ARL4A: variants seen among roughly 807,000 people sequenced by gnomAD.
ARL4A encodes ADP-ribosylation factor-like protein 4A.
A neutral mutation model predicts 13.9 loss-of-function variants in ARL4A; 5 were observed. The observed-to-expected ratio is 0.36, with a 90% CI of 0.19 to 0.75. The LOEUF is 0.75. ARL4A is among the 30% of genes least tolerant of loss of function. The probability of loss-of-function intolerance (pLI) is 0.53; values close to 1 mark genes in which losing one functional copy is unlikely to be tolerated. For missense variants in ARL4A, 147 were observed against 225.8 expected (o/e 0.65, Z 2.24); for synonymous variants, 77 against 84.4 (o/e 0.91, Z 0.48).
In ARL4A at chr7:12,688,380, C is replaced by T. The variant is rs1784561604; in HGVS notation, c.126C>T (p.Phe42=). ...GKTTVLYRLQ[F]NEFVNTVPTK... Reference sequence around the variant, plus strand: ...CAACTGTCTTATACAGGCTGCAGTTCAATGAATTTGTAAATACCGTACCTA... The same window carrying T: ...CAACTGTCTTATACAGGCTGCAGTTTAATGAATTTGTAAATACCGTACCTA... Residue 42 remains phenylalanine, a synonymous_variant, in exon 2 of 2, where the codon TTC becomes TTT. Transcript: ENST00000651779. This position sits in a 1 kb window ranked among gnomAD's most constrained non-coding sequence, Gnocchi z 5.2. 2 of 1,613,768 alleles carry T rather than the reference C, an allele frequency of 1.2e-6. No homozygotes were observed. The highest frequency in any genetic ancestry group is 2.7e-5 in the African/African-American group (2 of 74,894).
At position 12,688,160 on chromosome 7, in the gene ARL4A, T is replaced by TC; in HGVS notation, c.-89-3dup. ...AGAATAACTTATTCCTTCTTCCGTC[T>TC]CCCAGCAGTCTTATAGCTGGATCAG... is the stretch of plus-strand genomic sequence containing the variant. On this transcript the variant is annotated splice_polypyrimidine_tract_variant and splice_region_variant and intron_variant, in intron 1 of 1. Transcript: ENST00000651779. The surrounding 1 kb of genome is among the most constrained non-coding windows in gnomAD (Gnocchi z 5.2). 2 of 1,473,984 alleles carry TC rather than the reference T, an allele frequency of 1.4e-6. No individual in the cohort carries two copies. The highest frequency in any genetic ancestry group is 1.8e-6 in the Non-Finnish European group (2 of 1,102,008). 91.3% of individuals were successfully genotyped at this position (1,473,984 alleles called of 1,614,324 possible).
Position 12,690,070 on chromosome 7 carries a change from A to T in ARL4A, c.*1213A>T, listed in dbSNP as rs922431940. 6.0e-6 allele frequency: 1 copy of T among 167,070 alleles called. No individual in the cohort carries two copies. Among genetic ancestry groups the T allele is most frequent in the Admixed American group, 6.5e-5 (1 of 15,280 alleles). The allele number at this position is 167,070 out of a possible 1,614,324, so 10.3% of individuals were successfully genotyped here. ...CAATTATAGAAAATGAGGGGAAAAT[A>T]ACAAACCTGTTTTATGAAAATTCAC... On this transcript the variant is annotated 3_prime_UTR_variant, in exon 2 of 2. Coordinates refer to ENST00000651779, the MANE Select transcript of ARL4A (RefSeq NM_005738.5).
chr7:12,689,175 T>C lies in ARL4A; in HGVS notation c.*318T>C. ...GTTAGTGAAATAAAACTTTAAAGAGTGTCTGCCTAGTGTTTTGTGCTTACA... is the reference window on the plus strand; with the variant it reads ...GTTAGTGAAATAAAACTTTAAAGAGCGTCTGCCTAGTGTTTTGTGCTTACA... On this transcript the variant is annotated 3_prime_UTR_variant, in exon 2 of 2. Transcript: ENST00000651779. The C allele has an allele frequency of 3.9e-6, 1 of 256,028 alleles. No individual in the cohort carries two copies. The highest frequency in any genetic ancestry group is 9.4e-5 in the East Asian group (1 of 10,644). The allele number at this position is 256,028 out of a possible 1,614,324, so 15.9% of individuals were successfully genotyped here. A position where few individuals can be genotyped will look rare whatever the true frequency, so the allele number is the denominator to read the frequency against.
Position 12,690,632 on chromosome 7 carries a change from T to TG in ARL4A, c.*1775_*1776insG, listed in dbSNP as rs1407330243. ...TGACAGGCATTGAAGGCTGTTTTTT[T>TG]TTTTTTCTCCCTTCACTGATACTGA... On this transcript the variant is annotated 3_prime_UTR_variant, in exon 2 of 2. Transcript: ENST00000651779. 1 of 162,766 alleles carries TG rather than the reference T, an allele frequency of 6.1e-6. No individual in the cohort carries two copies. The highest frequency in any genetic ancestry group is 2.4e-5 in the African/African-American group (1 of 41,256). The allele number at this position is 162,766 out of a possible 1,614,324, so 10.1% of individuals were successfully genotyped here.
chr7:12,688,797 A>G lies in ARL4A; in HGVS notation c.543A>G (p.Lys181=), dbSNP rs1172200396. 3.1e-6 allele frequency: 5 copies of G among 1,611,716 alleles called. No individual in the cohort carries two copies. The South Asian group carries it at 4.4e-5, about 14-fold the overall frequency. Residue 181 remains lysine (K), a synonymous_variant, in exon 2 of 2, where the codon AAA becomes AAG. Coordinates refer to ENST00000651779, the MANE Select transcript of ARL4A (RefSeq NM_005738.5). This position sits in a 1 kb window ranked among gnomAD's most constrained non-coding sequence, Gnocchi z 5.2. ...ATGGCCTAAAGGAAGGACTTGAGAA[A>G]CTACATGATATGATCATTAAAAGAA... ...IGDGLKEGLE[K]LHDMIIKRRK...
At position 12,688,932 on chromosome 7, in the gene ARL4A, G is replaced by A; in HGVS notation, c.*75G>A. ...TTTGACAAATAGAAGAGTGTCTACA[G>A]CGTGGTTTGCCTGTCTGCCCTCCTG... On this transcript the variant is annotated 3_prime_UTR_variant, in exon 2 of 2. Coordinates refer to ENST00000651779, the MANE Select transcript of ARL4A (RefSeq NM_005738.5). The surrounding 1 kb of genome is among the most constrained non-coding windows in gnomAD (Gnocchi z 5.2). The A allele has an allele frequency of 6.9e-7, 1 of 1,449,684 alleles. No individual in the cohort carries two copies. Among genetic ancestry groups the A allele is most frequent in the Non-Finnish European group, 9.3e-7 (1 of 1,073,696 alleles). 89.8% of individuals were successfully genotyped at this position (1,449,684 alleles called of 1,614,324 possible).
In ARL4A at chr7:12,689,423, G is replaced by T. The variant is rs998721298; in HGVS notation, c.*566G>T. On this transcript the variant is annotated 3_prime_UTR_variant, in exon 2 of 2. Coordinates refer to ENST00000651779, the MANE Select transcript of ARL4A (RefSeq NM_005738.5). ...CTTTCTGGAATCAAGTAATTTAATA[G>T]TATAGCTTAATTCTAGACAATGTTT... is the stretch of plus-strand genomic sequence containing the variant. 1 of 167,492 alleles carries T rather than the reference G, an allele frequency of 6.0e-6. No individual in the cohort carries two copies. The highest frequency in any genetic ancestry group is 1.5e-5 in the Non-Finnish European group (1 of 68,496). 10.4% of individuals were successfully genotyped at this position (167,492 alleles called of 1,614,324 possible). A position where few individuals can be genotyped will look rare whatever the true frequency, so the allele number is the denominator to read the frequency against.
chr7:12,686,921 C>G (rs1209620972), upstream of ARL4A: 1 of 151,874 alleles, frequency 6.6e-6, no homozygotes, highest in Non-Finnish European at 1.5e-5. Context: ...GCGCGGCGCC[C>G]GCCAGGCGCC....
chr7:12,688,044 TG>T lies in ARL4A; in HGVS notation c.-89-120del. The T allele has an allele frequency of 1.7e-6, 1 of 572,352 alleles. No individual in the cohort carries two copies. The highest frequency in any genetic ancestry group is 1.9e-5 in the African/African-American group (1 of 53,486). The allele number at this position is 572,352 out of a possible 1,614,324, so 35.5% of individuals were successfully genotyped here. ...TTTCATGTACGTTTCATATCTCGTC[TG>T]GTTTGTTTAGCGCAGCAAGTTATAG... is the stretch of plus-strand genomic sequence containing the variant. On this transcript the variant is annotated intron_variant, in intron 1 of 1. Transcript: ENST00000651779. This position sits in a 1 kb window ranked among gnomAD's most constrained non-coding sequence, Gnocchi z 5.2.
rs569923258 is a variant in ARL4A at position 12,689,130 on chromosome 7, T to C, written c.*273T>C. 5.6e-5 allele frequency: 18 copies of C among 323,658 alleles called. No homozygotes were observed. Among genetic ancestry groups the C allele is most frequent in the East Asian group, 2.5e-4 (4 of 15,958 alleles). The allele number at this position is 323,658 out of a possible 1,614,324, so 20.0% of individuals were successfully genotyped here. On this transcript the variant is annotated 3_prime_UTR_variant, in exon 2 of 2. Coordinates refer to ENST00000651779, the MANE Select transcript of ARL4A (RefSeq NM_005738.5). The stretch of plus-strand genomic sequence containing the variant: ...GGATAGTAAATTGACCAGAACACAG[T>C]TGTGGGAATTTGGTCTGAAGTTAGT...
rs1784553617 is a variant in ARL4A, at chr7:12,688,036, A to G, written c.-89-130A>G. On this transcript the variant is annotated intron_variant, in intron 1 of 1. Transcript: ENST00000651779. This position sits in a 1 kb window ranked among gnomAD's most constrained non-coding sequence, Gnocchi z 5.2. ...GTGTGTGTTTTCATGTACGTTTCAT[A>G]TCTCGTCTGGTTTGTTTAGCGCAGC... is the stretch of plus-strand genomic sequence containing the variant. 1 of 531,836 alleles carries G rather than the reference A, an allele frequency of 1.9e-6. No homozygotes were observed. The highest frequency in any genetic ancestry group is 1.9e-5 in the African/African-American group (1 of 52,560). 32.9% of individuals were successfully genotyped at this position (531,836 alleles called of 1,614,324 possible). A position where few individuals can be genotyped will look rare whatever the true frequency, so the allele number is the denominator to read the frequency against.
rs539232781 is a variant in ARL4A, at chr7:12,688,870, A to G, written c.*13A>G. On this transcript the variant is annotated 3_prime_UTR_variant, in exon 2 of 2. Coordinates refer to ENST00000651779, the MANE Select transcript of ARL4A (RefSeq NM_005738.5). The surrounding 1 kb of genome is among the most constrained non-coding windows in gnomAD (Gnocchi z 5.2). ...AAAGAAAAGATGAATATCAATACCT[A>G]TTATATCTGTGTGGAGTAGGTTTTC... 7.5e-6 allele frequency: 12 copies of G among 1,591,494 alleles called. No homozygotes were observed. In the East Asian group the frequency reaches 1.8e-4, roughly 24 times the overall value.
rs1784568463 is a variant in ARL4A at position 12,688,731 on chromosome 7, A to G, written c.477A>G (p.Ser159=). The G allele has an allele frequency of 1.2e-6, 2 of 1,613,888 alleles. No individual in the cohort carries two copies. The highest frequency in any genetic ancestry group is 1.7e-5 in the Admixed American group (1 of 60,000). ...TAGCAATGGGTGAACTGAGCTCATC[A>G]ACTCCTTGGCATTTGCAGCCTACCT... The part of the protein sequence containing the change: ...KLLAMGELSS[S]TPWHLQPTCA... The change falls in exon 2 of 2, where the codon TCA becomes TCG. Residue 159 remains serine (S), a synonymous_variant. Coordinates refer to ENST00000651779, the MANE Select transcript of ARL4A (RefSeq NM_005738.5). This position sits in a 1 kb window ranked among gnomAD's most constrained non-coding sequence, Gnocchi z 5.2.
rs76343126 is a variant in ARL4A at position 12,689,246 on chromosome 7, G to C, written c.*389G>C. On this transcript the variant is annotated 3_prime_UTR_variant, in exon 2 of 2. Coordinates refer to ENST00000651779, the MANE Select transcript of ARL4A (RefSeq NM_005738.5). ...GCAAGAAAATTGCATACAAGGCTTT[G>C]TAACGATCAAGTGCTAATCGATGGA... 20 of 199,146 alleles carry C rather than the reference G, an allele frequency of 1.0e-4. No homozygotes were observed. The East Asian group carries it at 1.8e-3, about 18-fold the overall frequency. The allele number at this position is 199,146 out of a possible 1,614,324, so 12.3% of individuals were successfully genotyped here.
Position 12,689,658 on chromosome 7 carries a change from A to G in ARL4A, c.*801A>G, listed in dbSNP as rs1784586449. 6.0e-6 allele frequency: 1 copy of G among 166,838 alleles called. No homozygotes were observed. The highest frequency in any genetic ancestry group is 1.9e-4 in the East Asian group (1 of 5,186). 10.3% of individuals were successfully genotyped at this position (166,838 alleles called of 1,614,324 possible). A position where few individuals can be genotyped will look rare whatever the true frequency, so the allele number is the denominator to read the frequency against. On this transcript the variant is annotated 3_prime_UTR_variant, in exon 2 of 2. Transcript: ENST00000651779. ...AGAAGCACTTTCACTTGAAGAACCT[A>G]AAATGATTGACTCATTCATAGTAAA...
rs1784596783 is a variant in ARL4A, at chr7:12,690,268, G to C, written c.*1411G>C. On this transcript the variant is annotated 3_prime_UTR_variant, in exon 2 of 2. Transcript: ENST00000651779. Reference sequence around the variant, plus strand: ...CCAAAAGAAATGCACTTTGCTAGCAGGATTTGTTTTGGCTTTGGGTTTTGT... The same window carrying C: ...CCAAAAGAAATGCACTTTGCTAGCACGATTTGTTTTGGCTTTGGGTTTTGT... The C allele has an allele frequency of 6.0e-6, 1 of 165,946 alleles. No homozygotes were observed. Among genetic ancestry groups the C allele is most frequent in the Non-Finnish European group, 1.5e-5 (1 of 67,934 alleles). The allele number at this position is 165,946 out of a possible 1,614,324, so 10.3% of individuals were successfully genotyped here. A position where few individuals can be genotyped will look rare whatever the true frequency, so the allele number is the denominator to read the frequency against.
In ARL4A at chr7:12,689,368, T is replaced by C. The variant is rs903009212; in HGVS notation, c.*511T>C. 7 of 167,568 alleles carry C rather than the reference T, an allele frequency of 4.2e-5. No homozygotes were observed. In the South Asian group the frequency reaches 1.2e-3, roughly 30 times the overall value. The allele number at this position is 167,568 out of a possible 1,614,324, so 10.4% of individuals were successfully genotyped here. A position where few individuals can be genotyped will look rare whatever the true frequency, so the allele number is the denominator to read the frequency against. On this transcript the variant is annotated 3_prime_UTR_variant, in exon 2 of 2. Coordinates refer to ENST00000651779, the MANE Select transcript of ARL4A (RefSeq NM_005738.5). ...AGGGACAAGGAGTAAGTATTTTCTTTTTTAAGTTTCTGCCAAATGATTTTT... is the reference window on the plus strand; with the variant it reads ...AGGGACAAGGAGTAAGTATTTTCTTCTTTAAGTTTCTGCCAAATGATTTTT...
At position 12,690,624 on chromosome 7, in the gene ARL4A, T is replaced by TG. The variant is rs1554300534; in HGVS notation, c.*1768dup. The TG allele has an allele frequency of 1.0e-5, 1 of 96,900 alleles. No individual in the cohort carries two copies. The highest frequency in any genetic ancestry group is 2.6e-5 in the Non-Finnish European group (1 of 38,158). The allele number at this position is 96,900 out of a possible 1,614,324, so 6.0% of individuals were successfully genotyped here. On this transcript the variant is annotated 3_prime_UTR_variant, in exon 2 of 2. Coordinates refer to ENST00000651779, the MANE Select transcript of ARL4A (RefSeq NM_005738.5). ...CTTAGATGTGACAGGCATTGAAGGC[T>TG]GTTTTTTTTTTTTTCTCCCTTCACT... is the stretch of plus-strand genomic sequence containing the variant.
In ARL4A at chr7:12,688,704, G is replaced by C. The variant is rs752654071; in HGVS notation, c.450G>C (p.Leu150Phe). The C allele has an allele frequency of 2.5e-6, 4 of 1,613,882 alleles. No homozygotes were observed. The highest frequency in any genetic ancestry group is 1.6e-4 in the Middle Eastern group (1 of 6,078). Residue 150 changes from leucine (L) to phenylalanine (F), a missense_variant, in exon 2 of 2, where the codon TTG becomes TTC. Leu to Phe is a conservative substitution (Grantham distance 22, BLOSUM62 0). Coordinates refer to ENST00000651779, the MANE Select transcript of ARL4A (RefSeq NM_005738.5). This position sits in a 1 kb window ranked among gnomAD's most constrained non-coding sequence, Gnocchi z 5.2. ...NSLSLSEIEK[L>F]LAMGELSSST... The stretch of plus-strand genomic sequence containing the variant: ...TGTCACTTTCAGAAATTGAGAAATT[G>C]TTAGCAATGGGTGAACTGAGCTCAT...
Sources: allele counts gnomAD v4.1 joint callset, GRCh38; gene constraint gnomAD v4.1.1; non-coding constraint Gnocchi (gnomAD v3.1); transcripts MANE v1.5; gene names NCBI Gene and HGNC (gene_info 2026-07-23, HGNC 2026-07-21).